SCML2: variants seen among roughly 807,000 people sequenced by gnomAD.
SCML2 encodes sex comb on midleg-like protein 2.
In SCML2, 6 loss-of-function variants were observed where a neutral mutation model predicts 48.4. The ratio of observed to expected loss-of-function variants is 0.12; its 90% confidence interval spans 0.07 to 0.24. The LOEUF is 0.24. SCML2 is among the 10% of genes least tolerant of loss of function. SCML2 has a pLI of 1.00. For missense variants in SCML2, 377 were observed against 528.2 expected, an observed-to-expected ratio of 0.71 and a Z score of 2.81; for synonymous variants, 181 against 189.5, an observed-to-expected ratio of 0.95 and a Z score of 0.37.
intron 7 of SCML2, among the ~76,000 whole-genome samples, chrX:18,300,769 C>T (rs1323914307): frequency 2.1e-5 from 2 of 96,780 alleles, no homozygotes. Context: ...CCAGCCTGGG[C>T]AATGGAGCAA....
chrX:18,313,019 GTGTA>G (rs1333274019), intron 6 of SCML2, among the ~76,000 whole-genome samples: 31 of 103,350 alleles, frequency 3.0e-4, no homozygotes, highest in Non-Finnish European at 5.5e-4. Context: ...GCGTGTGTGT[GTGTA>G]TGTGTATTCT....
chrX:18,314,790 A>G (rs138101266), intron 6 of SCML2, among the ~76,000 whole-genome samples: 1,931 of 111,714 alleles, frequency 0.017, 20 homozygotes, highest in Non-Finnish European at 0.028. Flanking sequence ...ATACAATGCT[A>G]TAGAAGTATA....
chrX:18,346,869 G>GCT (rs1471716372), intron 1 of SCML2, among the ~76,000 whole-genome samples: 1 of 111,510 alleles, frequency 9.0e-6, no homozygotes, highest in African/African-American at 3.3e-5. Context: ...ACCAAGAGAA[G>GCT]CTCTCTCTTT....
chrX:18,353,775 A>G (rs1930446535), intron 1 of SCML2, among the ~76,000 whole-genome samples: 1 of 112,994 alleles, frequency 8.9e-6, no homozygotes, highest in Non-Finnish European at 1.9e-5. Context: ...TACAACCTTG[A>G]GGCGCAAAAT....
At chrX:18,291,453 T>C (rs925766414) in intron 7 of SCML2, among the ~76,000 whole-genome samples, 1 of 112,099 alleles carries the variant, frequency 8.9e-6, no homozygotes, top group African/African-American at 3.2e-5. Context: ...TTTTTAAAAA[T>C]TGTTAGAAAA....
intron 12 of SCML2, 90 bp from the exon 13 acceptor site, chrX:18,246,918 T>G: frequency 2.1e-6 from 2 of 939,810 alleles, no homozygotes; most frequent in East Asian, 6.1e-5. Context: ...CTAGCAATAG[T>G]TCACTTAACT....
chrX:18,339,304 A>C (rs1396195796), intron 1 of SCML2, among the ~76,000 whole-genome samples: 1 of 112,527 alleles, frequency 8.9e-6, no homozygotes, highest in African/African-American at 3.2e-5. Context: ...TTATCAGAAA[A>C]GTTATACATT....
At chrX:18,262,860 C>T (rs998367806) in intron 8 of SCML2, among the ~76,000 whole-genome samples, 1 of 108,030 alleles carries the variant, frequency 9.3e-6, no homozygotes, top group African/African-American at 3.6e-5. Context: ...GGGCTACATG[C>T]GTGTGCCACT....
At chrX:18,272,591 TC>T (rs776865673) in intron 7 of SCML2, among the ~76,000 whole-genome samples, 1 of 112,638 alleles carries the variant, frequency 8.9e-6, no homozygotes, top group Non-Finnish European at 1.9e-5. Context: ...CTAATTAGGT[TC>T]AAATCCAGCT....
chrX:18,324,063 C>T lies in SCML2; in HGVS notation c.193G>A (p.Val65Ile). ...SQIPPVNDFK[V>I]GMKLEARDPR... The stretch of plus-strand genomic sequence containing the variant: ...TCACGGGCTTCCAATTTCATACCAA[C>T]TTTGAAATCATTCACAGGTGGAATC... Residue 65 changes from valine (V) to isoleucine (I), a missense_variant, in exon 5 of 15, where the codon GTT becomes ATT. Physicochemically the swap from Val to Ile is conservative, Grantham distance 29. This residue lies in a region of SCML2 where 61 missense variants were observed against 59.9 expected (regional missense o/e 1.02). Coordinates refer to ENST00000251900, the MANE Select transcript of SCML2 (RefSeq NM_006089.3). 8.3e-7 allele frequency: 1 copy of T among 1,206,651 alleles called. No individual in the cohort carries two copies. The highest frequency in any genetic ancestry group is 1.1e-6 in the Non-Finnish European group (1 of 891,247).
At chrX:18,278,781 T>C (rs944323209) in intron 7 of SCML2, among the ~76,000 whole-genome samples, 1 of 112,895 alleles carries the variant, frequency 8.9e-6, no homozygotes, top group African/African-American at 3.2e-5. Context: ...CCAGCACAGC[T>C]GGAACCTGAC....
At position 18,337,338 on chromosome X, in the gene SCML2, C is replaced by T. The variant is rs12157044; in HGVS notation, c.-24-3243G>A. 7.6e-3 allele frequency among the ~76,000 whole-genome samples: 435 copies of T among 57,379 alleles called. 4 individuals carry two copies. Among genetic ancestry groups the T allele is most frequent in the Middle Eastern group, 0.049 (4 of 81 alleles). The allele number at this position is 57,379 out of a possible 115,157, so 49.8% of individuals were successfully genotyped here. The stretch of plus-strand genomic sequence containing the variant: ...AAAAAAAAAAAAAAAAAAAAACAAC[C>T]AATTGTATGTTGGCTACAAAAAAAA... On this transcript the variant is annotated intron_variant, in intron 1 of 14. Transcript: ENST00000251900.
rs187605937 is a variant in SCML2, at chrX:18,295,091, C to A, written c.730+9881G>T. 6.3e-5 allele frequency among the ~76,000 whole-genome samples: 7 copies of A among 111,545 alleles called. 1 individual carries two copies. In the East Asian group the frequency reaches 2.0e-3, roughly 32 times the overall value. ...CCAGGGGCTAAAGCACATGCCCCCA[C>A]CAGGGCCTGAGAACTGCCTGTCTGT... On this transcript the variant is annotated intron_variant, in intron 7 of 14. Coordinates refer to ENST00000251900, the MANE Select transcript of SCML2 (RefSeq NM_006089.3).
At chrX:18,339,696 A>G (rs1380545647) in intron 1 of SCML2, among the ~76,000 whole-genome samples, 2 of 112,127 alleles carry the variant, frequency 1.8e-5, no homozygotes, top group African/African-American at 6.5e-5. Context: ...CAGCCTAGGC[A>G]ACAGAGTGAG....
At chrX:18,249,367 G>A (rs1343297147) in intron 11 of SCML2, among the ~76,000 whole-genome samples, 2 of 111,206 alleles carry the variant, frequency 1.8e-5, no homozygotes, top group African/African-American at 3.3e-5. Flanking sequence ...TGCGATAATC[G>A]CTGGAGGGGG....
intron 3 of SCML2, among the ~76,000 whole-genome samples, chrX:18,325,772 T>C (rs1444099183): frequency 4.5e-5 from 5 of 112,090 alleles, no homozygotes; most frequent in Non-Finnish European, 9.4e-5. Flanking sequence ...AACAAACTAG[T>C]AATTCACATG....
chrX:18,328,169 C>A (rs1280976797), intron 3 of SCML2, among the ~76,000 whole-genome samples: 1 of 111,349 alleles, frequency 9.0e-6, no homozygotes, highest in Admixed American at 9.6e-5. Context: ...CTGAATATAA[C>A]CCATATGAGC....
chrX:18,332,326 T>G (rs981650809), intron 2 of SCML2, among the ~76,000 whole-genome samples: 3 of 112,528 alleles, frequency 2.7e-5, no homozygotes, highest in Non-Finnish European at 5.6e-5. Flanking sequence ...ATTATCATTA[T>G]GAACTCATGG....
chrX:18,291,225 C>G (rs944209560), intron 7 of SCML2, among the ~76,000 whole-genome samples: 3 of 111,525 alleles, frequency 2.7e-5, no homozygotes, highest in Non-Finnish European at 5.6e-5. Context: ...GTGAGTAAAT[C>G]TGATGAGCTG....
Sources: allele counts gnomAD v4.1 joint callset (sites outside exome capture counted in the v4.1 genomes callset), GRCh38; gene constraint gnomAD v4.1.1; regional missense constraint gnomAD v4.1.1; transcripts MANE v1.5; gene names NCBI Gene and HGNC (gene_info 2026-07-23, HGNC 2026-07-21).